Variants in CSMD3 observed in about 807,000 individuals in gnomAD.
CSMD3 encodes the protein CUB and sushi domain-containing protein 3.
Under a neutral mutation model 435.2 loss-of-function variants are expected in CSMD3, and 177 were observed. The ratio of observed to expected loss-of-function variants is 0.41; its 90% CI spans 0.36 to 0.46. The LOEUF is 0.46. Ranked by LOEUF, CSMD3 falls within the 20% of genes least tolerant of loss-of-function variation. The pLI is 0.34. For missense variants in CSMD3, 4,265 were observed against 4,504.6 expected (o/e 0.95, Z 1.52); for synonymous variants, 1,656 against 1,520.5 (o/e 1.09, Z -2.07).
At chr8:112,229,534 T>C (rs760739073) in intron 69 of CSMD3, among the ~76,000 whole-genome samples, 5 of 152,092 alleles carry the variant, frequency 3.3e-5, no homozygotes, top group Non-Finnish European at 7.4e-5. Context: ...GCTCAAGCGA[T>C]CTTCCTGCCT....
chr8:112,680,232 C>A (rs1237839024), intron 16 of CSMD3, among the ~76,000 whole-genome samples: 1 of 152,128 alleles, frequency 6.6e-6, no homozygotes, highest in Non-Finnish European at 1.5e-5. Flanking sequence ...GTGATGTGCA[C>A]CTATAGTCCC....
chr8:113,345,910 C>T (rs2094148177), intron 1 of CSMD3, among the ~76,000 whole-genome samples: 1 of 151,786 alleles, frequency 6.6e-6, no homozygotes, highest in African/African-American at 2.4e-5. Flanking sequence ...ATGCTATTTG[C>T]CTGCTTCTTT....
chr8:112,912,122 A>G (rs1207752659), intron 10 of CSMD3, among the ~76,000 whole-genome samples: 4 of 150,034 alleles, frequency 2.7e-5, no homozygotes, highest in Middle Eastern at 7.1e-3. Context: ...TCCATTATAT[A>G]TAAAACAATG....
chr8:112,669,645 C>A (rs2075610824), intron 16 of CSMD3, among the ~76,000 whole-genome samples: 1 of 152,038 alleles, frequency 6.6e-6, no homozygotes, highest in Non-Finnish European at 1.5e-5. Flanking sequence ...GGACCAAGGC[C>A]ATAAAGAAGC....
intron 4 of CSMD3, among the ~76,000 whole-genome samples, chr8:113,167,813 T>G (rs2092183430): frequency 6.6e-6 from 1 of 152,196 alleles, no homozygotes; most frequent in Non-Finnish European, 1.5e-5. Context: ...GTTTTCTTCA[T>G]TAGCATCAAA....
At chr8:112,774,462 C>T (rs2078197459) in intron 13 of CSMD3, among the ~76,000 whole-genome samples, 2 of 152,004 alleles carry the variant, frequency 1.3e-5, no homozygotes, top group Admixed American at 6.6e-5. Context: ...TGAGTTCCAG[C>T]TGCAAATTAA....
At position 112,723,702 on chromosome 8, in the gene CSMD3, A is replaced by G. The variant is rs187118308; in HGVS notation, c.1973-33652T>C. On this transcript the variant is annotated intron_variant, in intron 13 of 70. Coordinates refer to ENST00000297405, the MANE Select transcript of CSMD3 (RefSeq NM_198123.2). ...GTCAAGCTACCTAGGTTTAAATCCC[A>G]TCTTTAAATGCTGACAGCATAACTT... Among the ~76,000 whole-genome samples the G allele has an allele frequency of 1.5e-3, 224 of 152,266 alleles. 2 individuals carry two copies. The highest frequency in any genetic ancestry group is 6.8e-3 in the Admixed American group (104 of 15,286).
chr8:112,259,280 G>T (rs1263728241), intron 61 of CSMD3, among the ~76,000 whole-genome samples: 4 of 152,168 alleles, frequency 2.6e-5, no homozygotes, highest in Non-Finnish European at 5.9e-5. Context: ...ATGAGTTATT[G>T]TCCTTTGCAG....
intron 2 of CSMD3, among the ~76,000 whole-genome samples, chr8:113,295,460 C>T (rs544430415): frequency 1.2e-4 from 18 of 152,136 alleles, no homozygotes; most frequent in Admixed American, 3.3e-4. Context: ...CATCAAAGAA[C>T]ATTAACATAA....
chr8:112,536,257 T>G (rs1289468742), intron 27 of CSMD3, among the ~76,000 whole-genome samples: 3 of 150,648 alleles, frequency 2.0e-5, no homozygotes, highest in Admixed American at 6.6e-5. Flanking sequence ...GGGAGAAAAT[T>G]TTCGCAACCT....
chr8:112,736,077 T>C (rs955849255), intron 13 of CSMD3, among the ~76,000 whole-genome samples: 1 of 152,034 alleles, frequency 6.6e-6, no homozygotes, highest in Non-Finnish European at 1.5e-5. Context: ...GTTTGGATGC[T>C]CACTAGCTAA....
Position 113,045,736 on chromosome 8 carries a change from T to C in CSMD3, c.918-26557A>G, listed in dbSNP as rs181136741. 1.7e-3 allele frequency among the ~76,000 whole-genome samples: 248 copies of C among 149,682 alleles called. 3 individuals carry two copies. The highest frequency in any genetic ancestry group is 5.6e-3 in the African/African-American group (232 of 41,414). On this transcript the variant is annotated intron_variant, in intron 5 of 70. Coordinates refer to ENST00000297405, the MANE Select transcript of CSMD3 (RefSeq NM_198123.2). ...ATTGTAACTATTTCCATGTTTCTTC[T>C]CAGGCTAAAATTCAACTTACACTTG...
chr8:112,542,107 T>TA (rs35867094), intron 27 of CSMD3, among the ~76,000 whole-genome samples: 31,262 of 149,764 alleles, frequency 0.21, 3,975 homozygotes, highest in East Asian at 0.46. Flanking sequence ...TGCCTTTTCT[T>TA]AAAAAAAAAT....
intron 32 of CSMD3, among the ~76,000 whole-genome samples, chr8:112,412,023 G>T (rs890401329): frequency 1.3e-5 from 2 of 152,100 alleles, no homozygotes; most frequent in East Asian, 3.9e-4. Flanking sequence ...CTATTTGTTT[G>T]TAAATTCATT....
intron 12 of CSMD3, among the ~76,000 whole-genome samples, chr8:112,818,044 T>C (rs1032640459): frequency 1.3e-5 from 2 of 151,924 alleles, no homozygotes; most frequent in African/African-American, 2.4e-5. Context: ...TAACTGATTT[T>C]TTTTTTGCAG....
chr8:113,218,975 A>G (rs1197573259), intron 3 of CSMD3, among the ~76,000 whole-genome samples: 3 of 151,366 alleles, frequency 2.0e-5, no homozygotes, highest in Non-Finnish European at 4.4e-5. Flanking sequence ...CAGCCAAACC[A>G]TATCACATAT....
intron 12 of CSMD3, among the ~76,000 whole-genome samples, chr8:112,813,547 A>AG (rs559672769): frequency 8.5e-4 from 129 of 152,202 alleles, no homozygotes; most frequent in South Asian, 2.5e-3. Flanking sequence ...GTTTTGCGGG[A>AG]GGGGGAAGGG....
chr8:112,623,516 T>C (rs1834239521), intron 22 of CSMD3, among the ~76,000 whole-genome samples: 1 of 152,018 alleles, frequency 6.6e-6, no homozygotes, highest in Non-Finnish European at 1.5e-5. Context: ...GAATATTTTA[T>C]TCATTTTTTT....
At chr8:112,826,655 A>G (rs1356154289) in intron 12 of CSMD3, among the ~76,000 whole-genome samples, 1 of 152,100 alleles carries the variant, frequency 6.6e-6, no homozygotes, top group East Asian at 1.9e-4. Context: ...CTAGCCACCT[A>G]GTCAGTTCTG....
Sources: allele counts gnomAD v4.1 joint callset (sites outside exome capture counted in the v4.1 genomes callset), GRCh38; gene constraint gnomAD v4.1.1; transcripts MANE v1.5; gene names NCBI Gene and HGNC (gene_info 2026-07-23, HGNC 2026-07-21).